Variants in IDE observed in about 807,000 individuals in gnomAD.
IDE encodes insulin-degrading enzyme.
A neutral mutation model predicts 133.2 loss-of-function variants in IDE; 58 were observed. The observed-to-expected ratio is 0.44, with a 90% CI of 0.35 to 0.54. IDE has a LOEUF of 0.54. IDE is among the 20% of genes least tolerant of loss of function. The probability of loss-of-function intolerance (pLI) is 0.00; values close to 1 mark genes in which losing one functional copy is unlikely to be tolerated. For synonymous variants in IDE, 396 were observed against 421.3 expected, an observed-to-expected ratio of 0.94 and a Z score of 0.73; for missense variants, 981 against 1,234.0, an observed-to-expected ratio of 0.79 and a Z score of 3.07.
chr10:92,563,666 C>T (rs545651290), intron 1 of IDE, among the ~76,000 whole-genome samples: 24 of 151,876 alleles, frequency 1.6e-4, no homozygotes, highest in Admixed American at 1.1e-3. Flanking sequence ...CAGAGAATCG[C>T]TTCAACCTGG....
intron 12 of IDE, among the ~76,000 whole-genome samples, chr10:92,489,326 C>G (rs575934654): frequency 1.2e-3 from 183 of 151,976 alleles, no homozygotes; most frequent in Admixed American, 0.012. Flanking sequence ...CTGAGGCAGG[C>G]GGATCACAAG....
intron 3 of IDE, among the ~76,000 whole-genome samples, chr10:92,533,960 T>C (rs1233825308): frequency 6.6e-6 from 1 of 151,956 alleles, no homozygotes; most frequent in African/African-American, 2.4e-5. Flanking sequence ...AAGGCGAAGG[T>C]TGCAGTGAGC....
chr10:92,554,151 G>A (rs1051986439), intron 1 of IDE, among the ~76,000 whole-genome samples: 7 of 152,108 alleles, frequency 4.6e-5, no homozygotes, highest in South Asian at 2.1e-4. Context: ...GATTTATCCC[G>A]GCAATGCAAG....
intron 1 of IDE, among the ~76,000 whole-genome samples, chr10:92,569,186 G>C (rs1179333687): frequency 6.6e-6 from 1 of 152,218 alleles, no homozygotes; most frequent in African/African-American, 2.4e-5. Flanking sequence ...GAATGAATAG[G>C]TCATGTAAAA....
At chr10:92,506,690 A>T (rs1316301359) in intron 9 of IDE, among the ~76,000 whole-genome samples, 168 bp from the exon 10 acceptor site, 2 of 152,154 alleles carry the variant, frequency 1.3e-5, no homozygotes, top group African/African-American at 4.8e-5. Flanking sequence ...AGAATATTTT[A>T]AAAATTTCTT....
intron 1 of IDE, among the ~76,000 whole-genome samples, chr10:92,551,312 G>A (rs1034965652): frequency 2.6e-5 from 4 of 152,220 alleles, no homozygotes; most frequent in African/African-American, 9.6e-5. Flanking sequence ...GCTCATGCCT[G>A]CAATCCCAGC....
intron 9 of IDE, among the ~76,000 whole-genome samples, chr10:92,507,178 A>G (rs1848335775): frequency 6.6e-6 from 1 of 152,158 alleles, no homozygotes; most frequent in Non-Finnish European, 1.5e-5. Flanking sequence ...ATCATACATA[A>G]AGCAATTCAT....
chr10:92,530,731 T>C lies in IDE; in HGVS notation c.661+1017A>G, dbSNP rs1003734908. Among the ~76,000 whole-genome samples the C allele has an allele frequency of 3.3e-5, 5 of 152,240 alleles. No individual in the cohort carries two copies. In the East Asian group the frequency reaches 7.7e-4, roughly 23 times the overall value. ...TTCATCTTGGCAATTATGTTAATAT[T>C]GAGTGCCAAGTACCACGGTTCTAAA... On this transcript the variant is annotated intron_variant, in intron 4 of 24. Coordinates refer to ENST00000265986, the MANE Select transcript of IDE (RefSeq NM_004969.4).
rs147229673 is a variant in IDE, at chr10:92,560,979, G to A, written c.98+12943C>T. 4.6e-3 allele frequency among the ~76,000 whole-genome samples: 700 copies of A among 151,568 alleles called. 5 individuals are homozygous for A. The highest frequency in any genetic ancestry group is 0.031 in the Middle Eastern group (9 of 288). ...CCGGGTGTGGTGGCTCAGGCTGGGC[G>A]TGGTGGCTCACACCTGTAATCCCAG... is the stretch of plus-strand genomic sequence containing the variant. On this transcript the variant is annotated intron_variant, in intron 1 of 24. Coordinates refer to ENST00000265986, the MANE Select transcript of IDE (RefSeq NM_004969.4).
chr10:92,508,577 G>GAAA (rs1848425800), intron 7 of IDE, 151 bp downstream of exon 7: 7 of 507,550 alleles, frequency 1.4e-5, no homozygotes, highest in Non-Finnish European at 1.3e-5. Flanking sequence ...AAAAAAAAAG[G>GAAA]CAACAGCGTG....
intron 1 of IDE, among the ~76,000 whole-genome samples, chr10:92,538,456 AAAAC>A (rs1437691239): frequency 6.6e-6 from 1 of 152,252 alleles, no homozygotes; most frequent in African/African-American, 2.4e-5. Flanking sequence ...ACAAGGACAT[AAAAC>A]AAACAAACAA....
At chr10:92,573,108 T>C in intron 1 of IDE, 1 of 985,452 alleles carries the variant, frequency 1.0e-6, no homozygotes, top group South Asian at 4.7e-5. Flanking sequence ...CTGCCTATCT[T>C]CTTCCATTCG....
At chr10:92,573,789 C>G in intron 1 of IDE, 133 bp downstream of exon 1, 1 of 649,902 alleles carries the variant, frequency 1.5e-6, no homozygotes, top group Admixed American at 4.3e-5. Flanking sequence ...CAGTACGGGC[C>G]CCAGGCCGGC....
intron 1 of IDE, among the ~76,000 whole-genome samples, chr10:92,554,064 T>C (rs1417948961): frequency 6.6e-6 from 1 of 152,188 alleles, no homozygotes; most frequent in East Asian, 1.9e-4. Flanking sequence ...TGAATATTGA[T>C]GCAAATACCC....
At chr10:92,555,752 T>A (rs1199567564) in intron 1 of IDE, among the ~76,000 whole-genome samples, 1 of 152,190 alleles carries the variant, frequency 6.6e-6, no homozygotes, top group Non-Finnish European at 1.5e-5. Context: ...TGACAGATAA[T>A]GTTTTTACCA....
intron 8 of IDE, 131 bp from the exon 9 acceptor site, chr10:92,507,797 G>T: frequency 1.5e-6 from 1 of 663,838 alleles, no homozygotes; most frequent in East Asian, 2.7e-5. Flanking sequence ...ACCTCCCTGA[G>T]ACTGGCTTTA....
Position 92,470,296 on chromosome 10 carries a change from C to T in IDE, c.2166G>A (p.Arg722=). 6.2e-7 allele frequency: 1 copy of T among 1,605,652 alleles called. No individual in the cohort carries two copies. Among genetic ancestry groups the T allele is most frequent in the Non-Finnish European group, 8.5e-7 (1 of 1,175,576 alleles). Residue 722 remains arginine, a synonymous_variant, in exon 18 of 25, where the codon CGG becomes CGA. Coordinates refer to ENST00000265986, the MANE Select transcript of IDE (RefSeq NM_004969.4). Reference sequence around the variant, plus strand: ...CATGGAGAAGGGCTTCAATGTGCAGCCGTGACAGGAGCTGAGGTATGAAGG... The same window carrying T: ...CATGGAGAAGGGCTTCAATGTGCAGTCGTGACAGGAGCTGAGGTATGAAGG... ...LKAFIPQLLS[R]LHIEALLHGN...
intron 1 of IDE, among the ~76,000 whole-genome samples, chr10:92,558,623 T>G (rs1843125401): frequency 6.6e-6 from 1 of 152,186 alleles, no homozygotes; most frequent in Non-Finnish European, 1.5e-5. Context: ...AGATGGAGTT[T>G]CACTCTCGTC....
rs139631183 is a variant in IDE, at chr10:92,561,508, T to C, written c.98+12414A>G. Among the ~76,000 whole-genome samples, 207 of 151,716 alleles carry C rather than the reference T, an allele frequency of 1.4e-3. 2 individuals are homozygous for C. In the East Asian group the frequency reaches 0.029, roughly 21 times the overall value. ...AGCTCACGCCTGTAATCCCAGCCCTTTGGGAGGCCGAGGCGGGCGGATCAC... is the reference window on the plus strand; with the variant it reads ...AGCTCACGCCTGTAATCCCAGCCCTCTGGGAGGCCGAGGCGGGCGGATCAC... On this transcript the variant is annotated intron_variant, in intron 1 of 24. Transcript: ENST00000265986.
Sources: gnomAD v4.1 joint callset for allele counts (sites outside exome capture counted in the v4.1 genomes callset) on GRCh38, gnomAD v4.1.1 for gene constraint, MANE v1.5 for transcripts, NCBI Gene and HGNC (gene_info 2026-07-23, HGNC 2026-07-21) for gene names.